The following BCL11B variants were observed in gnomAD, a reference collection of about 807,000 sequenced individuals.
BCL11B encodes the protein B-cell lymphoma/leukemia 11B.
A neutral mutation model predicts 49.9 loss-of-function variants in BCL11B; 8 were observed. The observed-to-expected ratio is 0.16, with a 90% CI of 0.09 to 0.29. BCL11B has a LOEUF of 0.29. BCL11B is among the 10% of genes least tolerant of loss of function. BCL11B has a pLI of 1.00. For missense variants in BCL11B, 1,006 were observed against 1,351.0 expected (o/e 0.74, Z 4.00); for synonymous variants, 739 against 637.4 (o/e 1.16, Z -2.40).
chr14:99,239,284 C>T (rs1888595086), intron 2 of BCL11B, among the ~76,000 whole-genome samples: 1 of 152,174 alleles, frequency 6.6e-6, no homozygotes, highest in Non-Finnish European at 1.5e-5. Flanking sequence ...TCTCCAGTTG[C>T]GTCCAGAGCC....
chr14:99,239,028 T>C (rs538609665), intron 2 of BCL11B, among the ~76,000 whole-genome samples: 1 of 152,296 alleles, frequency 6.6e-6, no homozygotes, highest in African/African-American at 2.4e-5. Flanking sequence ...CACTCATCTA[T>C]CAGCAACGTG....
At chr14:99,207,616 C>CT (rs1330751470) in intron 3 of BCL11B, among the ~76,000 whole-genome samples, 1 of 152,232 alleles carries the variant, frequency 6.6e-6, no homozygotes, top group Non-Finnish European at 1.5e-5. Context: ...CCCTGGAGGC[C>CT]TTCACATTCC....
Position 99,169,827 on chromosome 14 carries a change from A to G in BCL11B, c.*4324T>C, listed in dbSNP as rs1886230078. On this transcript the variant is annotated 3_prime_UTR_variant, in exon 4 of 4. Coordinates refer to ENST00000357195, the MANE Select transcript of BCL11B (RefSeq NM_138576.4). Reference sequence around the variant, plus strand: ...TTTCCTTACTTTTCACATTTTGCTTAGAGTAATTCAGTCTCCTTCTCTCCC... The same window carrying G: ...TTTCCTTACTTTTCACATTTTGCTTGGAGTAATTCAGTCTCCTTCTCTCCC... 4.4e-6 allele frequency: 1 copy of G among 226,568 alleles called. No individual in the cohort carries two copies. Among genetic ancestry groups the G allele is most frequent in the Admixed American group, 5.7e-5 (1 of 17,532 alleles). 14.0% of individuals were successfully genotyped at this position (226,568 alleles called of 1,614,324 possible). A position where few individuals can be genotyped will look rare whatever the true frequency, so the allele number is the denominator to read the frequency against.
chr14:99,206,332 A>C (rs918998206), intron 3 of BCL11B, among the ~76,000 whole-genome samples: 2 of 152,242 alleles, frequency 1.3e-5, no homozygotes, highest in African/African-American at 4.8e-5. Flanking sequence ...AGTTGAATAC[A>C]GTAGTTCCCT....
Position 99,173,517 on chromosome 14 carries a change from G to A in BCL11B, c.*634C>T, listed in dbSNP as rs982738875. On this transcript the variant is annotated 3_prime_UTR_variant, in exon 4 of 4. Transcript: ENST00000357195. ...GCTACGACTTGAAAGATTGTTATCC[G>A]CTGTACATCCACACCCCCCACCCCA... 9 of 210,700 alleles carry A rather than the reference G, an allele frequency of 4.3e-5. No homozygotes were observed. The highest frequency in any genetic ancestry group is 8.5e-5 in the Non-Finnish European group (9 of 105,338). 13.1% of individuals were successfully genotyped at this position (210,700 alleles called of 1,614,324 possible).
intron 3 of BCL11B, among the ~76,000 whole-genome samples, chr14:99,227,927 A>G (rs534933398): frequency 6.6e-6 from 1 of 151,968 alleles, no homozygotes; most frequent in Non-Finnish European, 1.5e-5. Flanking sequence ...CCTTCTCCCC[A>G]CTGCGACCAT....
At chr14:99,227,459 A>G (rs1888190699) in intron 3 of BCL11B, among the ~76,000 whole-genome samples, 1 of 152,088 alleles carries the variant, frequency 6.6e-6, no homozygotes, top group African/African-American at 2.4e-5. Flanking sequence ...GCAGTCTCAT[A>G]CACTTGACCA....
chr14:99,190,312 C>T (rs533891584), intron 3 of BCL11B, among the ~76,000 whole-genome samples: 6 of 152,270 alleles, frequency 3.9e-5, no homozygotes, highest in Admixed American at 1.3e-4. Flanking sequence ...TACAGTGAAA[C>T]CCCGTCTCTA....
chr14:99,233,409 C>A (rs1457232591), intron 2 of BCL11B, among the ~76,000 whole-genome samples: 1 of 152,198 alleles, frequency 6.6e-6, no homozygotes, highest in East Asian at 1.9e-4. Flanking sequence ...GGGTAAGTGA[C>A]CAGGGGTCCT....
At chr14:99,252,588 G>A (rs72702663) in intron 2 of BCL11B, among the ~76,000 whole-genome samples, 5,667 of 152,212 alleles carry the variant, frequency 0.037, 345 homozygotes, top group East Asian at 0.31. Context: ...TAGATCCCGC[G>A]TCCTCCCTAG....
At chr14:99,264,856 TTTA>T (rs1566836406) in intron 1 of BCL11B, 3 of 152,196 alleles carry the variant, frequency 2.0e-5, no homozygotes, top group Non-Finnish European at 4.4e-5. Context: ...CTCGGCACTT[TTTA>T]CCCACGCCCT....
At position 99,213,235 on chromosome 14, in the gene BCL11B, C is replaced by A. The variant is rs1003404010; in HGVS notation, c.640+18110G>T. 1.3e-5 allele frequency among the ~76,000 whole-genome samples: 2 copies of A among 152,152 alleles called. No homozygotes were observed. The highest frequency in any genetic ancestry group is 1.9e-4 in the East Asian group (1 of 5,178). The stretch of plus-strand genomic sequence containing the variant: ...GCCCCTGGAATGAAGAAGGGAGCCC[C>A]GGAGGCTCGGCCGACCTGGGTGTGC... On this transcript the variant is annotated intron_variant, in intron 3 of 3. Coordinates refer to ENST00000357195, the MANE Select transcript of BCL11B (RefSeq NM_138576.4). The surrounding 1 kb of genome is among the most constrained non-coding windows in gnomAD (Gnocchi z 5.1).
rs569904851 is a variant in BCL11B at position 99,230,518 on chromosome 14, C to CTT, written c.640+825_640+826dup. Among the ~76,000 whole-genome samples the CTT allele has an allele frequency of 1.7e-3, 263 of 152,284 alleles. 1 individual carries two copies. Among genetic ancestry groups the CTT allele is most frequent in the African/African-American group, 6.0e-3 (249 of 41,550 alleles). On this transcript the variant is annotated intron_variant, in intron 3 of 3. Coordinates refer to ENST00000357195, the MANE Select transcript of BCL11B (RefSeq NM_138576.4). The stretch of plus-strand genomic sequence containing the variant: ...CCTGCCGAGATGCCGGGGGGACAGA[C>CTT]TTGTGAGAGGGCCCTTTGCCCTTGA...
intron 2 of BCL11B, among the ~76,000 whole-genome samples, chr14:99,243,959 A>G (rs1888746833): frequency 7.1e-6 from 1 of 141,788 alleles, no homozygotes; most frequent in Non-Finnish European, 1.5e-5. Context: ...AAAAGCAAGG[A>G]AAGTGCCCTA....
intron 3 of BCL11B, among the ~76,000 whole-genome samples, chr14:99,226,846 C>A (rs960594607): frequency 6.6e-6 from 1 of 152,152 alleles, no homozygotes; most frequent in African/African-American, 2.4e-5. Context: ...TCCCTTTAAC[C>A]CATGCCAAGA....
At chr14:99,181,805 TC>T (rs1400729899) in intron 3 of BCL11B, among the ~76,000 whole-genome samples, 3 of 152,100 alleles carry the variant, frequency 2.0e-5, no homozygotes, top group Non-Finnish European at 2.9e-5. Context: ...CTGTGGCAGC[TC>T]CCTTCCCCAC....
At chr14:99,177,415 G>A (rs1049397501) in intron 3 of BCL11B, among the ~76,000 whole-genome samples, 3 of 151,294 alleles carry the variant, frequency 2.0e-5, no homozygotes, top group Non-Finnish European at 2.9e-5. Flanking sequence ...CATTTCCTCC[G>A]GAACCCATCC....
intron 1 of BCL11B, among the ~76,000 whole-genome samples, chr14:99,259,653 A>C: frequency 6.6e-6 from 1 of 152,228 alleles, no homozygotes. Context: ...TGTTGTCTGC[A>C]TCTCTCTAAG....
At chr14:99,234,430 A>G (rs1888429939) in intron 2 of BCL11B, among the ~76,000 whole-genome samples, 1 of 152,186 alleles carries the variant, frequency 6.6e-6, no homozygotes, top group African/African-American at 2.4e-5. Context: ...AAATCCAGAA[A>G]GCACTTAAGG....
Sources: allele counts gnomAD v4.1 joint callset (sites outside exome capture counted in the v4.1 genomes callset), GRCh38; gene constraint gnomAD v4.1.1; non-coding constraint Gnocchi (gnomAD v3.1); transcripts MANE v1.5; gene names NCBI Gene and HGNC (gene_info 2026-07-23, HGNC 2026-07-21).